Variants in SLC41A3 observed in about 807,000 individuals in gnomAD.
SLC41A3 encodes the protein SLC41A1-like 2.
Under a neutral mutation model 45.4 loss-of-function variants are expected in SLC41A3, and 44 were observed. The ratio of observed to expected loss-of-function variants is 0.97; its 90% CI spans 0.76 to 1.25. The LOEUF (loss-of-function observed/expected upper bound fraction) is 1.25, where lower values mean the gene tolerates loss of function less well. Among genes scored for constraint, SLC41A3 ranks in the 50% most tolerant of loss-of-function variants. The pLI is 0.00. For synonymous variants in SLC41A3, 256 were observed against 252.4 expected, an observed-to-expected ratio of 1.01 and a Z score of -0.13; for missense variants, 550 against 600.6, an observed-to-expected ratio of 0.92 and a Z score of 0.88.
At chr3:126,017,668 C>G (rs1213182698) in intron 6 of SLC41A3, among the ~76,000 whole-genome samples, 1 of 152,226 alleles carries the variant, frequency 6.6e-6, no homozygotes, top group Non-Finnish European at 1.5e-5. Flanking sequence ...CAGCCCCACC[C>G]TCTGGAGGGC....
At position 126,068,188 on chromosome 3, in the gene SLC41A3, A is replaced by C. The variant is rs1944449582; in HGVS notation, c.32T>G (p.Leu11Arg). 6.4e-7 allele frequency: 1 copy of C among 1,567,968 alleles called. No individual in the cohort carries two copies. Among genetic ancestry groups the C allele is most frequent in the Non-Finnish European group, 8.6e-7 (1 of 1,158,254 alleles). ...CTCCCCTGGCTTGCCACAGCTGTCC[A>C]GCCTCCGCTGCCGGGTCTCTGTCCC... MDGTETRQRR[L>R]DSCGKPGELG... is the part of the protein sequence containing the mutation. The change falls in exon 2 of 11, where the codon CTG becomes CGG. Residue 11 changes from leucine (L) to arginine (R), a missense_variant. Physicochemically the swap from Leu to Arg is moderately radical, Grantham distance 102. Transcript: ENST00000360370.
At position 126,016,873 on chromosome 3, in the gene SLC41A3, T is replaced by G. The variant is rs1366832854; in HGVS notation, c.748A>C (p.Ser250Arg). Residue 250 changes from serine (S) to arginine (R), a missense_variant and splice_region_variant, in exon 7 of 11, where the codon AGT becomes CGT. Ser to Arg is a moderately radical substitution (Grantham distance 110). Transcript: ENST00000360370. ...CAGACCAGCGGCGTCAGATACCGAC[T>G]ATCTGAAAGGAGAACAGGGACACAC... is the stretch of plus-strand genomic sequence containing the variant. The part of the protein sequence containing the change: ...VSSFFYRHKD[S>R]RYLTPLVCLS... 6 of 1,611,626 alleles carry G rather than the reference T, an allele frequency of 3.7e-6. No individual in the cohort carries two copies. Among genetic ancestry groups the G allele is most frequent in the South Asian group, 2.2e-5 (2 of 90,884 alleles).
intron 1 of SLC41A3, among the ~76,000 whole-genome samples, chr3:126,079,215 C>A (rs1308121463): frequency 1.5e-5 from 2 of 130,558 alleles, no homozygotes; most frequent in Admixed American, 1.5e-4. Context: ...AAGGGAAACA[C>A]ACACACACAC....
chr3:126,036,187 A>C (rs1942174463), intron 3 of SLC41A3, among the ~76,000 whole-genome samples: 1 of 152,180 alleles, frequency 6.6e-6, no homozygotes, highest in South Asian at 2.1e-4. Flanking sequence ...TCTACGTAAA[A>C]CAGCCTGCTT....
intron 1 of SLC41A3, among the ~76,000 whole-genome samples, chr3:126,097,333 G>A (rs896830222): frequency 2.6e-5 from 4 of 152,038 alleles, no homozygotes; most frequent in Non-Finnish European, 4.4e-5. Flanking sequence ...TTCTCCCTGG[G>A]GCCTGCATTC....
At chr3:126,016,595 A>G (rs931071699) in intron 7 of SLC41A3, 136 bp downstream of exon 7, 4 of 1,121,508 alleles carry the variant, frequency 3.6e-6, no homozygotes, top group Non-Finnish European at 4.9e-6. Flanking sequence ...TTCAATCAGC[A>G]ATGGGAGTTA....
intron 3 of SLC41A3, among the ~76,000 whole-genome samples, chr3:126,044,642 T>A (rs1179100204): frequency 6.6e-6 from 1 of 152,106 alleles, no homozygotes; most frequent in Non-Finnish European, 1.5e-5. Flanking sequence ...ACGCCTGTAA[T>A]CCCAGCACTT....
intron 9 of SLC41A3, among the ~76,000 whole-genome samples, chr3:126,012,025 C>T (rs867087602): frequency 2.0e-5 from 3 of 152,250 alleles, no homozygotes; most frequent in Non-Finnish European, 4.4e-5. Context: ...GTCGGATCAC[C>T]TCCTTCCGGC....
At chr3:126,018,757 C>T (rs781265501) in intron 6 of SLC41A3, among the ~76,000 whole-genome samples, 8 of 152,210 alleles carry the variant, frequency 5.3e-5, no homozygotes, top group Non-Finnish European at 1.0e-4. Context: ...AGCCTCAGGC[C>T]CCACTCAACC....
chr3:126,057,241 C>T, intron 2 of SLC41A3: 1 of 873,134 alleles, frequency 1.1e-6, no homozygotes, highest in Non-Finnish European at 1.4e-6. Flanking sequence ...GCTGTGTTCA[C>T]AGAAAAAAAC....
chr3:126,028,334 C>T (rs570723106), intron 4 of SLC41A3, among the ~76,000 whole-genome samples: 4 of 152,202 alleles, frequency 2.6e-5, no homozygotes, highest in African/African-American at 9.6e-5. Context: ...ATGTCCCAGT[C>T]GCTCAAGCTC....
Position 126,059,264 on chromosome 3 carries a change from A to AAAGAAAGAAAGAAAGAAAAGAAAG in SLC41A3, c.274-8215_274-8214insCTTTCTTTTCTTTCTTTCTTTCTT, listed in dbSNP as rs71150422. Among the ~76,000 whole-genome samples the AAAGAAAGAAAGAAAGAAAAGAAAG allele has an allele frequency of 2.3e-3, 6 of 2,592 alleles. 1 individual carries two copies. Among genetic ancestry groups the AAAGAAAGAAAGAAAGAAAAGAAAG allele is most frequent in the Non-Finnish European group, 2.9e-3 (5 of 1,716 alleles). The allele number at this position is 2,592 out of a possible 152,430, so 1.7% of individuals were successfully genotyped here. On this transcript the variant is annotated intron_variant, in intron 2 of 10. Transcript: ENST00000360370. Reference sequence around the variant, plus strand: ...GAAAGAAAGAAAGAAAGAAAGAAAGAAGAAAGAAAGAAAGAAAGAAAGAAA... The same window carrying AAAGAAAGAAAGAAAGAAAAGAAAG: ...GAAAGAAAGAAAGAAAGAAAGAAAGAAAGAAAGAAAGAAAGAAAAGAAAGAGAAAGAAAGAAAGAAAGAAAGAAA...
chr3:126,033,950 G>A (rs1479606325), intron 3 of SLC41A3, among the ~76,000 whole-genome samples: 1 of 151,414 alleles, frequency 6.6e-6, no homozygotes, highest in African/African-American at 2.4e-5. Context: ...TGCACCACCT[G>A]CACACACACA....
rs553585494 is a variant in SLC41A3 at position 126,063,377 on chromosome 3, C to T, written c.273+4570G>A. On this transcript the variant is annotated intron_variant, in intron 2 of 10. Coordinates refer to ENST00000360370, the MANE Select transcript of SLC41A3 (RefSeq NM_017836.4). ...TTCACGGTGGGAGCTATAGGCTTCA[C>T]GGTGGGTGCTGCCGTGTAATATGCA... 1.1e-4 allele frequency among the ~76,000 whole-genome samples: 17 copies of T among 152,134 alleles called. No homozygotes were observed. In the South Asian group the frequency reaches 1.5e-3, roughly 13 times the overall value.
At chr3:126,051,186 G>T in intron 2 of SLC41A3, 136 bp from the exon 3 acceptor site, 1 of 1,039,186 alleles carries the variant, frequency 9.6e-7, no homozygotes, top group Non-Finnish European at 1.3e-6. Flanking sequence ...TTTCTTAAAT[G>T]GCTTTAAACT....
At chr3:126,067,908 C>T in intron 2 of SLC41A3, 39 bp downstream of exon 2, 2 of 1,536,508 alleles carry the variant, frequency 1.3e-6, no homozygotes, top group Non-Finnish European at 1.8e-6. Flanking sequence ...TGATGTTCGG[C>T]AGTGCCCCGC....
chr3:126,067,251 A>C (rs1404155411), intron 2 of SLC41A3, among the ~76,000 whole-genome samples: 1 of 152,200 alleles, frequency 6.6e-6, no homozygotes, highest in African/African-American at 2.4e-5. Flanking sequence ...TTATGTCAAG[A>C]TGATTCACTG....
At position 126,026,132 on chromosome 3, in the gene SLC41A3, A is replaced by G. The variant is rs1185840262; in HGVS notation, c.598+203T>C. Reference sequence around the variant, plus strand: ...GCGAGTGGTGGCAGGAGCGGCACACACCCCTGCCTGGGTGAGGGCACAAGG... The same window carrying G: ...GCGAGTGGTGGCAGGAGCGGCACACGCCCCTGCCTGGGTGAGGGCACAAGG... On this transcript the variant is annotated intron_variant, in intron 5 of 10. Transcript: ENST00000360370. This position sits in a 1 kb window ranked among gnomAD's most constrained non-coding sequence, Gnocchi z 4.2. Among the ~76,000 whole-genome samples, 1 of 151,836 alleles carries G rather than the reference A, an allele frequency of 6.6e-6. No homozygotes were observed. The highest frequency in any genetic ancestry group is 1.5e-5 in the Non-Finnish European group (1 of 67,950).
intron 4 of SLC41A3, among the ~76,000 whole-genome samples, chr3:126,029,324 G>A (rs893891654): frequency 2.6e-5 from 4 of 152,052 alleles, no homozygotes; most frequent in African/African-American, 9.7e-5. Context: ...TCTACAATGA[G>A]TGAGTTCTGC....
Sources: gnomAD v4.1 joint callset for allele counts (sites outside exome capture counted in the v4.1 genomes callset) on GRCh38, gnomAD v4.1.1 for gene constraint, Gnocchi (gnomAD v3.1) non-coding constraint, MANE v1.5 for transcripts, NCBI Gene and HGNC (gene_info 2026-07-23, HGNC 2026-07-21) for gene names.